Variants in RABGAP1 observed in about 807,000 individuals in gnomAD.
RABGAP1 encodes the protein RAB GTPase activating protein 1, also known as rab GTPase-activating protein 1.
RABGAP1 carries 23 observed loss-of-function variants against 137.6 expected under a neutral mutation model. That is an observed-to-expected ratio of 0.17 (90% confidence interval 0.12 to 0.24). The LOEUF (loss-of-function observed/expected upper bound fraction) is 0.24, where lower values mean the gene tolerates loss of function less well. Among genes scored for constraint, RABGAP1 ranks in the 10% least tolerant of loss-of-function variants. The pLI is 1.00. For missense variants in RABGAP1, 906 were observed against 1,275.8 expected, an observed-to-expected ratio of 0.71 and a Z score of 4.42; for synonymous variants, 451 against 450.7, an observed-to-expected ratio of 1.00 and a Z score of -0.01.
intron 2 of RABGAP1, among the ~76,000 whole-genome samples, chr9:122,978,131 A>AT (rs58927354): frequency 0.11 from 16,594 of 152,168 alleles, 2,924 homozygotes; most frequent in African/African-American, 0.37. Context: ...AAGATGGGGA[A>AT]TACTTTTATT....
rs75946031 is a variant in RABGAP1, at chr9:123,088,594, G to A, written c.2425-1164G>A. On this transcript the variant is annotated intron_variant, in intron 19 of 25. Coordinates refer to ENST00000373647, the MANE Select transcript of RABGAP1 (RefSeq NM_012197.4). The stretch of plus-strand genomic sequence containing the variant: ...TCCCAGCTCCTTGGGAGGCTGGGGC[G>A]GGAGGATCAACTTGCCACAGGATGT... Among the ~76,000 whole-genome samples the A allele has an allele frequency of 1.2e-3, 183 of 152,088 alleles. 4 individuals carry two copies. The East Asian group carries it at 0.024, about 20-fold the overall frequency.
intron 13 of RABGAP1, among the ~76,000 whole-genome samples, chr9:123,053,148 G>GT (rs996231991): frequency 1.4e-4 from 21 of 151,934 alleles, no homozygotes; most frequent in South Asian, 4.2e-4. Context: ...ATGTTACTGG[G>GT]TTTTTTTTGT....
At chr9:123,079,750 A>G (rs1270088150) in intron 19 of RABGAP1, among the ~76,000 whole-genome samples, 1 of 151,886 alleles carries the variant, frequency 6.6e-6, no homozygotes, top group Admixed American at 6.6e-5. Context: ...GAATGTCTGC[A>G]TGGCTTCACT....
intron 13 of RABGAP1, among the ~76,000 whole-genome samples, chr9:123,048,443 T>A (rs1210742712): frequency 6.6e-6 from 1 of 152,244 alleles, no homozygotes; most frequent in Non-Finnish European, 1.5e-5. Context: ...CCTCTGTGTG[T>A]CTGTGTGTTG....
upstream of RABGAP1, among the ~76,000 whole-genome samples, chr9:122,937,337 G>A (rs558346125): frequency 2.7e-4 from 41 of 152,352 alleles, no homozygotes; most frequent in Non-Finnish European, 5.1e-4. Flanking sequence ...GGTGGCTCAC[G>A]CCTGTAATCC....
In RABGAP1 at chr9:123,103,265, C is replaced by T. The variant is rs1478947509; in HGVS notation, c.*52C>T. On this transcript the variant is annotated 3_prime_UTR_variant, in exon 26 of 26. Transcript: ENST00000373647. ...CAGAAAACACGACACCTTTTGTTGCCTTCTTTGGCCAGATGTGTGATTCTG... is the reference window on the plus strand; with the variant it reads ...CAGAAAACACGACACCTTTTGTTGCTTTCTTTGGCCAGATGTGTGATTCTG... The T allele has an allele frequency of 1.9e-6, 3 of 1,604,604 alleles. No homozygotes were observed. Among genetic ancestry groups the T allele is most frequent in the Non-Finnish European group, 1.7e-6 (2 of 1,175,898 alleles).
intron 13 of RABGAP1, among the ~76,000 whole-genome samples, chr9:123,025,676 T>C (rs2031922528): frequency 6.6e-6 from 1 of 152,054 alleles, no homozygotes; most frequent in African/African-American, 2.4e-5. Context: ...TTTTGTCAGT[T>C]TCCATTTGTA....
At chr9:123,004,840 T>A (rs890571297) in intron 10 of RABGAP1, among the ~76,000 whole-genome samples, 42 of 152,098 alleles carry the variant, frequency 2.8e-4, no homozygotes, top group African/African-American at 8.7e-4. Context: ...ATGGATCACC[T>A]GAGGTCAGGA....
At chr9:122,945,357 G>A (rs1367182570) in intron 1 of RABGAP1, 1 of 151,930 alleles carries the variant, frequency 6.6e-6, no homozygotes, top group Non-Finnish European at 1.5e-5. Flanking sequence ...AAGTGTGCAA[G>A]TCTTGAACAC....
intron 21 of RABGAP1, among the ~76,000 whole-genome samples, chr9:123,093,219 A>T (rs973320781): frequency 1.3e-5 from 2 of 152,134 alleles, no homozygotes; most frequent in Non-Finnish European, 2.9e-5. Flanking sequence ...TCGGTTGATT[A>T]TACATCACTT....
chr9:123,094,444 T>C (rs1036202146), intron 21 of RABGAP1, among the ~76,000 whole-genome samples: 2 of 152,224 alleles, frequency 1.3e-5, no homozygotes, highest in Non-Finnish European at 2.9e-5. Flanking sequence ...GAGATAATCA[T>C]TTGGTATTTC....
chr9:123,087,358 A>G (rs957006763), intron 19 of RABGAP1, among the ~76,000 whole-genome samples: 1 of 152,156 alleles, frequency 6.6e-6, no homozygotes, highest in African/African-American at 2.4e-5. Context: ...TTTTTTTAAT[A>G]AAGTGCCATG....
chr9:123,073,788 T>G, intron 16 of RABGAP1, 111 bp downstream of exon 16: 1 of 1,405,624 alleles, frequency 7.1e-7, no homozygotes, highest in Non-Finnish European at 9.8e-7. Flanking sequence ...GATCCGTGGC[T>G]AAGGATGGGT....
chr9:122,956,675 G>T (rs969812427), intron 1 of RABGAP1, among the ~76,000 whole-genome samples: 3 of 151,884 alleles, frequency 2.0e-5, no homozygotes, highest in Non-Finnish European at 4.4e-5. Context: ...AAATTAGAGG[G>T]TAGAAAACAG....
At chr9:123,079,976 T>TA (rs1173374672) in intron 19 of RABGAP1, among the ~76,000 whole-genome samples, 1 of 152,228 alleles carries the variant, frequency 6.6e-6, no homozygotes, top group Non-Finnish European at 1.5e-5. Flanking sequence ...ATCGATTGAA[T>TA]AAGTGAATGA....
chr9:122,974,757 T>C (rs1835677860), intron 2 of RABGAP1, among the ~76,000 whole-genome samples: 1 of 152,240 alleles, frequency 6.6e-6, no homozygotes, highest in Non-Finnish European at 1.5e-5. Context: ...TTCTTTCCCG[T>C]CCTCTTTTTA....
At chr9:122,971,845 T>C (rs1564369212) in intron 2 of RABGAP1, 1 of 152,198 alleles carries the variant, frequency 6.6e-6, no homozygotes, top group East Asian at 1.9e-4. Flanking sequence ...ATCTTAAGTG[T>C]TCTATAATAA....
At chr9:123,094,538 G>A (rs2035123951) in intron 21 of RABGAP1, among the ~76,000 whole-genome samples, 1 of 151,976 alleles carries the variant, frequency 6.6e-6, no homozygotes, top group Admixed American at 6.5e-5. Context: ...TCCAGTTGGG[G>A]TTTCTATTTT....
At chr9:123,098,157 C>G (rs937709920) in intron 22 of RABGAP1, among the ~76,000 whole-genome samples, 5 of 152,196 alleles carry the variant, frequency 3.3e-5, no homozygotes, top group African/African-American at 1.2e-4. Context: ...GGCTGTTTCC[C>G]TACTTGTCCT....
Sources: gnomAD v4.1 joint callset for allele counts (sites outside exome capture counted in the v4.1 genomes callset) on GRCh38, gnomAD v4.1.1 for gene constraint, MANE v1.5 for transcripts, NCBI Gene and HGNC (gene_info 2026-07-23, HGNC 2026-07-21) for gene names.